SHTN1: variants seen among roughly 807,000 people sequenced by gnomAD.
SHTN1 encodes shootin-1.
In SHTN1, 42 loss-of-function variants were observed where a neutral mutation model predicts 83.1. That is an observed-to-expected ratio of 0.51 (90% CI 0.39 to 0.65). The LOEUF is 0.65. Ranked by LOEUF, SHTN1 falls within the 30% of genes least tolerant of loss-of-function variation. The probability of loss-of-function intolerance (pLI) is 0.00; values close to 1 mark genes in which losing one functional copy is unlikely to be tolerated. For synonymous variants in SHTN1, 224 were observed against 247.7 expected (o/e 0.90, Z 0.90); for missense variants, 622 against 737.8 (o/e 0.84, Z 1.82).
At chr10:117,110,165 C>T (rs1853744527) in intron 1 of SHTN1, among the ~76,000 whole-genome samples, 1 of 152,198 alleles carries the variant, frequency 6.6e-6, no homozygotes, top group Non-Finnish European at 1.5e-5. Flanking sequence ...GAACTGAAGT[C>T]TTCAGCACTG....
chr10:116,946,398 T>C (rs572998035), intron 7 of SHTN1, among the ~76,000 whole-genome samples: 2 of 146,720 alleles, frequency 1.4e-5, no homozygotes, highest in African/African-American at 2.5e-5. Flanking sequence ...TTTTTATGTA[T>C]AAAAATATAT....
At chr10:116,975,677 T>C (rs544964241) in intron 2 of SHTN1, among the ~76,000 whole-genome samples, 6 of 150,414 alleles carry the variant, frequency 4.0e-5, no homozygotes, top group African/African-American at 1.2e-4. Flanking sequence ...GAGTCAGCAG[T>C]TTTCCTAAAA....
chr10:116,920,020 CA>C (rs1564876714), intron 12 of SHTN1, among the ~76,000 whole-genome samples: 1 of 152,120 alleles, frequency 6.6e-6, no homozygotes, highest in African/African-American at 2.4e-5. Flanking sequence ...GCAATCTGCT[CA>C]GGGGGAGAGA....
Position 116,951,897 on chromosome 10 carries a change from T to C in SHTN1, c.534+12A>G. 1.4e-6 allele frequency: 2 copies of C among 1,473,896 alleles called. No homozygotes were observed. The highest frequency in any genetic ancestry group is 1.2e-5 in the South Asian group (1 of 81,508). The allele number at this position is 1,473,896 out of a possible 1,614,324, so 91.3% of individuals were successfully genotyped here. On this transcript the variant is annotated intron_variant, in intron 6 of 16. Transcript: ENST00000355371. ...TGCTAAAGCCCTTGCCTTTCAGGCC[T>C]GAGATACATACTTCTTCAATTACTT...
At chr10:116,920,716 GCCTA>G (rs1328310245) in intron 12 of SHTN1, among the ~76,000 whole-genome samples, 4 of 151,998 alleles carry the variant, frequency 2.6e-5, no homozygotes, top group African/African-American at 4.8e-5. Context: ...TCTGGCTCCT[GCCTA>G]CCTATTAGAC....
chr10:116,985,893 T>C (rs1030990681), intron 1 of SHTN1, among the ~76,000 whole-genome samples: 3 of 152,194 alleles, frequency 2.0e-5, no homozygotes, highest in Non-Finnish European at 4.4e-5. Context: ...GAAAGAGAAG[T>C]CATTTGTAAC....
chr10:116,925,084 C>T (rs961543404), intron 11 of SHTN1, among the ~76,000 whole-genome samples: 56 of 152,256 alleles, frequency 3.7e-4, no homozygotes, highest in African/African-American at 1.3e-3. Flanking sequence ...AAGAGGTGTT[C>T]GTCATGTCCA....
At chr10:116,925,814 T>C (rs1261854968) in intron 11 of SHTN1, among the ~76,000 whole-genome samples, 2 of 152,142 alleles carry the variant, frequency 1.3e-5, no homozygotes, top group Non-Finnish European at 2.9e-5. Flanking sequence ...GGAAAAGCAG[T>C]AAGCCACTTA....
At chr10:116,983,808 T>A (rs1194033077) in intron 1 of SHTN1, among the ~76,000 whole-genome samples, 1 of 152,094 alleles carries the variant, frequency 6.6e-6, no homozygotes, top group Non-Finnish European at 1.5e-5. Context: ...ACAGCCAAAG[T>A]GGGCTGTAAC....
At chr10:117,016,751 T>C (rs982893351) in intron 2 of SHTN1, among the ~76,000 whole-genome samples, 1 of 152,128 alleles carries the variant, frequency 6.6e-6, no homozygotes, top group Non-Finnish European at 1.5e-5. Context: ...AAAACAAACA[T>C]TGTATCAGAA....
intron 1 of SHTN1, among the ~76,000 whole-genome samples, chr10:117,057,535 A>C (rs1852841663): frequency 6.6e-6 from 1 of 152,168 alleles, no homozygotes; most frequent in Non-Finnish European, 1.5e-5. Context: ...CTTTCAGGCT[A>C]TATGGCTCCT....
intron 1 of SHTN1, among the ~76,000 whole-genome samples, chr10:117,101,266 G>T (rs17095681): frequency 0.023 from 3,527 of 152,228 alleles, 122 homozygotes; most frequent in East Asian, 0.12. Flanking sequence ...TCCAAGCTTT[G>T]ATCAGCTCAT....
chr10:116,955,888 G>A (rs7902527), intron 4 of SHTN1, among the ~76,000 whole-genome samples: 35,367 of 152,036 alleles, frequency 0.23, 4,232 homozygotes, highest in East Asian at 0.3. Flanking sequence ...TACATTAGGA[G>A]ATCAAGATAA....
At chr10:117,044,980 A>G (rs1268015317) in intron 2 of SHTN1, among the ~76,000 whole-genome samples, 4 of 152,234 alleles carry the variant, frequency 2.6e-5, no homozygotes, top group Non-Finnish European at 4.4e-5. Context: ...GCAAGTATTT[A>G]GATCATCATC....
chr10:116,893,233 G>T (rs1847394955), intron 16 of SHTN1, among the ~76,000 whole-genome samples: 1 of 151,996 alleles, frequency 6.6e-6, no homozygotes, highest in African/African-American at 2.4e-5. Context: ...GGCAGCGGGG[G>T]AAGGAAAAAA....
At chr10:117,114,623 T>G (rs552290059) in intron 1 of SHTN1, among the ~76,000 whole-genome samples, 22 of 152,246 alleles carry the variant, frequency 1.4e-4, no homozygotes, top group Admixed American at 1.4e-3. Flanking sequence ...GTGAAAACTA[T>G]ACACTAGGCA....
At chr10:116,907,502 T>A (rs1229311371) in intron 14 of SHTN1, among the ~76,000 whole-genome samples, 1 of 152,222 alleles carries the variant, frequency 6.6e-6, no homozygotes. Flanking sequence ...AAGATCCATG[T>A]TTCCCTGCTC....
At chr10:116,981,200 T>C (rs1052169570) in intron 1 of SHTN1, among the ~76,000 whole-genome samples, 8 of 152,052 alleles carry the variant, frequency 5.3e-5, no homozygotes, top group African/African-American at 1.7e-4. Context: ...TTGCCTGTAG[T>C]CCCAGATACT....
At chr10:116,930,071 G>GA (rs1848902638) in intron 9 of SHTN1, 69 bp from the exon 10 acceptor site, 3 of 1,080,334 alleles carry the variant, frequency 2.8e-6, no homozygotes, top group Non-Finnish European at 3.9e-6. Context: ...AAAAGAAAGG[G>GA]AAAAAATAAA....
Sources: allele counts gnomAD v4.1 joint callset (sites outside exome capture counted in the v4.1 genomes callset), GRCh38; gene constraint gnomAD v4.1.1; transcripts MANE v1.5; gene names NCBI Gene and HGNC (gene_info 2026-07-23, HGNC 2026-07-21).